The following ROBO2 variants were observed in gnomAD, a reference collection of about 807,000 sequenced individuals.
ROBO2 encodes roundabout homolog 2.
In ROBO2, 53 loss-of-function variants were observed where a neutral mutation model predicts 160.8. The observed-to-expected ratio is 0.33, with a 90% CI of 0.26 to 0.41. ROBO2 has a LOEUF of 0.41. ROBO2 is among the 10% of genes least tolerant of loss of function. The pLI, the probability that ROBO2 is intolerant of heterozygous loss-of-function variation, is 1.00. For missense variants in ROBO2, 1,577 were observed against 1,722.4 expected (o/e 0.92, Z 1.49); for synonymous variants, 664 against 611.7 (o/e 1.09, Z -1.26).
chr3:76,885,875 G>T (rs2073829257), intron 2 of ROBO2, among the ~76,000 whole-genome samples: 1 of 152,124 alleles, frequency 6.6e-6, no homozygotes, highest in Non-Finnish European at 1.5e-5. Flanking sequence ...TGAGACAAGA[G>T]ATGCAACTGG....
intron 2 of ROBO2, among the ~76,000 whole-genome samples, chr3:77,012,844 G>T (rs1215859964): frequency 6.6e-6 from 1 of 152,178 alleles, no homozygotes; most frequent in Non-Finnish European, 1.5e-5. Context: ...ATTACCTTTT[G>T]TGGCATCTTA....
intron 2 of ROBO2, among the ~76,000 whole-genome samples, chr3:76,762,920 G>T (rs2597242): frequency 0.84 from 127,804 of 151,542 alleles, 54,004 homozygotes; most frequent in African/African-American, 0.87. Context: ...ATTCATATCA[G>T]AAGGAGTATT....
At chr3:77,640,313 C>T (rs996111231) in intron 24 of ROBO2, among the ~76,000 whole-genome samples, 10 of 152,078 alleles carry the variant, frequency 6.6e-5, no homozygotes, top group African/African-American at 2.4e-4. Flanking sequence ...CGGGGTTTCA[C>T]TGTGTTAGCC....
At chr3:76,960,101 A>T (rs2079541680) in intron 2 of ROBO2, among the ~76,000 whole-genome samples, 1 of 146,520 alleles carries the variant, frequency 6.8e-6, no homozygotes, top group African/African-American at 2.8e-5. Context: ...AAACATGAAA[A>T]TTAGTCAAAA....
intron 2 of ROBO2, among the ~76,000 whole-genome samples, chr3:77,162,676 T>C (rs1402038497): frequency 1.3e-5 from 2 of 152,184 alleles, no homozygotes; most frequent in Non-Finnish European, 2.9e-5. Context: ...TCAAATAACG[T>C]ATGCTTTATA....
intron 2 of ROBO2, among the ~76,000 whole-genome samples, chr3:76,860,932 G>T (rs963288273): frequency 1.3e-5 from 2 of 151,974 alleles, no homozygotes; most frequent in African/African-American, 4.8e-5. Flanking sequence ...TTTGATAAAA[G>T]GAAAGCATGA....
intron 2 of ROBO2, among the ~76,000 whole-genome samples, chr3:77,001,049 T>C (rs189651835): frequency 3.9e-5 from 6 of 152,294 alleles, no homozygotes; most frequent in Admixed American, 3.3e-4. Flanking sequence ...GCCTGCTAAA[T>C]TTCTAGATAC....
At chr3:75,911,845 C>T (rs927035658) in intron 1 of ROBO2, among the ~76,000 whole-genome samples, 2 of 151,982 alleles carry the variant, frequency 1.3e-5, no homozygotes, top group Admixed American at 1.3e-4. Flanking sequence ...CGTGAGCCAC[C>T]GCGCCCTGCC....
At chr3:76,473,006 A>T (rs2078749247) in intron 2 of ROBO2, among the ~76,000 whole-genome samples, 1 of 152,100 alleles carries the variant, frequency 6.6e-6, no homozygotes, top group South Asian at 2.1e-4. Flanking sequence ...CAAAAATGCA[A>T]TTTTTTTATG....
chr3:77,094,203 G>A (rs758205622), intron 1 of ROBO2, among the ~76,000 whole-genome samples: 3 of 151,958 alleles, frequency 2.0e-5, no homozygotes, highest in Non-Finnish European at 2.9e-5. Flanking sequence ...TTCTATGTCC[G>A]TGGATTTTCC....
chr3:76,541,676 T>C (rs533732085), intron 2 of ROBO2, among the ~76,000 whole-genome samples: 1 of 152,340 alleles, frequency 6.6e-6, no homozygotes, highest in South Asian at 2.1e-4. Flanking sequence ...GGCGCTTCCC[T>C]GGAGGAGGTG....
chr3:76,772,523 T>C (rs1311132586), intron 2 of ROBO2, among the ~76,000 whole-genome samples: 1 of 149,888 alleles, frequency 6.7e-6, no homozygotes, highest in Non-Finnish European at 1.5e-5. Context: ...TTTTCTTTTT[T>C]TTTTTTTTAA....
chr3:76,240,864 C>A (rs895249310), intron 2 of ROBO2, among the ~76,000 whole-genome samples: 1 of 152,112 alleles, frequency 6.6e-6, no homozygotes, highest in Admixed American at 6.6e-5. Flanking sequence ...AAGGTCACTT[C>A]CAACTCTAAA....
intron 2 of ROBO2, among the ~76,000 whole-genome samples, chr3:76,012,205 G>A (rs746530246): frequency 1.3e-5 from 2 of 152,042 alleles, no homozygotes; most frequent in African/African-American, 2.4e-5. Flanking sequence ...TATATGTAAT[G>A]AATTATTTGT....
At chr3:76,205,553 T>C (rs1702760134) in intron 2 of ROBO2, among the ~76,000 whole-genome samples, 1 of 152,168 alleles carries the variant, frequency 6.6e-6, no homozygotes, top group Non-Finnish European at 1.5e-5. Context: ...TCCATGTCTT[T>C]CATTATCTAC....
chr3:76,481,571 G>A (rs1409332632), intron 2 of ROBO2, among the ~76,000 whole-genome samples: 2 of 152,138 alleles, frequency 1.3e-5, no homozygotes, highest in African/African-American at 2.4e-5. Context: ...TTATACCACT[G>A]TAGCTATGCG....
At chr3:76,061,821 A>T (rs543106973) in intron 2 of ROBO2, among the ~76,000 whole-genome samples, 57 of 152,094 alleles carry the variant, frequency 3.7e-4, no homozygotes, top group Non-Finnish European at 6.8e-4. Flanking sequence ...GCAGGACTGA[A>T]TTCCTTTCTG....
intron 2 of ROBO2, among the ~76,000 whole-genome samples, chr3:76,618,590 T>A (rs191171468): frequency 3.7e-4 from 56 of 151,774 alleles, no homozygotes; most frequent in African/African-American, 1.3e-3. Flanking sequence ...AACTACCTGA[T>A]AATTCCTTGA....
At chr3:77,386,737 G>T (rs2074152788) in intron 2 of ROBO2, among the ~76,000 whole-genome samples, 1 of 150,600 alleles carries the variant, frequency 6.6e-6, no homozygotes, top group Non-Finnish European at 1.5e-5. Flanking sequence ...GGAGTAGCTG[G>T]GATTACAGGC....
Sources: allele counts gnomAD v4.1 joint callset (sites outside exome capture counted in the v4.1 genomes callset), GRCh38; gene constraint gnomAD v4.1.1; transcripts MANE v1.5; gene names NCBI Gene and HGNC (gene_info 2026-07-23, HGNC 2026-07-21).